BAIAP3: variants seen among roughly 807,000 people sequenced by gnomAD.
BAIAP3 encodes the protein BAI1-associated protein 3.
A neutral mutation model predicts 149.7 loss-of-function variants in BAIAP3; 180 were observed. That is an observed-to-expected ratio of 1.20 (90% CI 1.07 to 1.36). The LOEUF (loss-of-function observed/expected upper bound fraction) is 1.36. Among genes scored for constraint, BAIAP3 ranks in the 40% most tolerant of loss-of-function variants. The probability of loss-of-function intolerance (pLI) is 0.00; values close to 1 mark genes in which losing one functional copy is unlikely to be tolerated. For synonymous variants in BAIAP3, 845 were observed against 670.7 expected (o/e 1.26, Z -4.02); for missense variants, 1,767 against 1,563.4 (o/e 1.13, Z -2.20).
At chr16:1,341,789 G>C in intron 8 of BAIAP3, 33 bp from the exon 9 acceptor site, 3 of 1,605,642 alleles carry the variant, frequency 1.9e-6, no homozygotes, top group Non-Finnish European at 2.5e-6. Flanking sequence ...GCCTCGCCGG[G>C]GACCCTCATG....
At chr16:1,343,910 A>G (rs776424702) in intron 15 of BAIAP3, 112 bp from the exon 16 acceptor site, 134 of 1,519,538 alleles carry the variant, frequency 8.8e-5, no homozygotes, top group Non-Finnish European at 1.2e-4. Flanking sequence ...CTCAGAGCAG[A>G]GCTGGGCTGA....
chr16:1,339,287 C>G (rs573457843), intron 4 of BAIAP3, 43 bp downstream of exon 4: 1 of 1,544,686 alleles, frequency 6.5e-7, no homozygotes, highest in Non-Finnish European at 8.7e-7. Flanking sequence ...TCTGCAGCGG[C>G]TGCTCCCTCA....
intron 1 of BAIAP3, chr16:1,336,536 C>T (rs1035177675): frequency 1.3e-5 from 4 of 308,948 alleles, no homozygotes; most frequent in East Asian, 1.7e-4. Context: ...GGAATCAAGA[C>T]GAGATATCCG....
Position 1,349,163 on chromosome 16 carries a change from C to T in BAIAP3, c.*681C>T, listed in dbSNP as rs1339618230. 3.2e-5 allele frequency: 16 copies of T among 501,112 alleles called. 1 individual carries two copies. The highest frequency in any genetic ancestry group is 1.4e-4 in the South Asian group (7 of 48,616). 31.0% of individuals were successfully genotyped at this position (501,112 alleles called of 1,614,324 possible). A position where few individuals can be genotyped will look rare whatever the true frequency, so the allele number is the denominator to read the frequency against. On this transcript the variant is annotated 3_prime_UTR_variant, in exon 34 of 34. Transcript: ENST00000426824. ...CCGTGGCCACCTGAGACCTGCTCCA[C>T]GACCCTTCCAGGCAGAGCCGAGAGT... is the stretch of plus-strand genomic sequence containing the variant.
At chr16:1,343,177 G>A (rs761054) in intron 14 of BAIAP3, 161 bp downstream of exon 14, 948,170 of 1,082,072 alleles carry the variant, frequency 0.88, 416,691 homozygotes, top group East Asian at 1. Context: ...GGGAAGGGAA[G>A]GGGGCGGTGC....
intron 28 of BAIAP3, 132 bp from the exon 29 acceptor site, chr16:1,347,166 G>T (rs1262525110): frequency 9.8e-7 from 1 of 1,019,734 alleles, no homozygotes; most frequent in Non-Finnish European, 1.4e-6. Flanking sequence ...TGCCCGCCAG[G>T]GTGTGAGAAA....
intron 28 of BAIAP3, 30 bp from the exon 29 acceptor site, chr16:1,347,268 T>C (rs1336265695): frequency 1.2e-6 from 2 of 1,607,560 alleles, no homozygotes; most frequent in Admixed American, 1.7e-5. Context: ...CCAGGCTCCC[T>C]GACACCTCTG....
rs2034012360 is a variant in BAIAP3 at position 1,342,763 on chromosome 16, C to T, written c.1110C>T (p.Ser370=). 7.4e-6 allele frequency: 12 copies of T among 1,612,470 alleles called. No individual in the cohort carries two copies. The highest frequency in any genetic ancestry group is 4.0e-5 in the African/African-American group (3 of 74,932). The change falls in exon 13 of 34, where the codon TCC becomes TCT. Residue 370 remains serine (S), a synonymous_variant. Transcript: ENST00000426824. The part of the protein sequence containing the change: ...MSQRGRSGFL[S]HLLLLSHLLR... ...AGCGCGGGCGATCCGGCTTCCTGTC[C>T]CACCTGCTGCTGCTCAGCCATCTGC...
chr16:1,341,755 C>A, intron 8 of BAIAP3, 67 bp from the exon 9 acceptor site: 1 of 1,532,730 alleles, frequency 6.5e-7, no homozygotes, highest in Non-Finnish European at 8.8e-7. Flanking sequence ...TGCTTCTGGA[C>A]TCCCTGACCC....
rs958594520 is a variant in BAIAP3 at position 1,348,031 on chromosome 16, G to C, written c.3149+14G>C. 6.2e-7 allele frequency: 1 copy of C among 1,601,124 alleles called. No homozygotes were observed. Among genetic ancestry groups the C allele is most frequent in the East Asian group, 2.2e-5 (1 of 44,600 alleles). ...ACTCTTCTACTTGTGAGTGTCCTAA[G>C]CCCCAGCCCCAGCCCCAGGCTCCAG... On this transcript the variant is annotated intron_variant, in intron 32 of 33. Transcript: ENST00000426824.
Position 1,347,962 on chromosome 16 carries a change from AG to A in BAIAP3, c.3096del (p.Thr1033ProfsTer3). On this transcript the variant is annotated frameshift_variant, in exon 32 of 34. Coordinates refer to ENST00000426824, the MANE Select transcript of BAIAP3 (RefSeq NM_001199097.2). LOFTEE classifies it high-confidence loss of function. ...PHLFPLVRSQ[R>X]TQVKTRTLHP... ...TCTCTTTCCACTGGTCCGCAGCCAG[AG>A]GACCCAGGTGAAGACCCGGACGCTG... is the stretch of plus-strand genomic sequence containing the variant. 6.2e-7 allele frequency: 1 copy of A among 1,611,922 alleles called. No individual in the cohort carries two copies. The highest frequency in any genetic ancestry group is 8.5e-7 in the Non-Finnish European group (1 of 1,179,938).
intron 28 of BAIAP3, 71 bp from the exon 29 acceptor site, chr16:1,347,227 G>T: frequency 6.8e-7 from 1 of 1,481,108 alleles, no homozygotes; most frequent in Non-Finnish European, 9.3e-7. Context: ...GCCCCTTTGT[G>T]CTGGGGGTCT....
chr16:1,348,643 G>A lies in BAIAP3; in HGVS notation c.*161G>A, dbSNP rs1054187000. The A allele has an allele frequency of 9.2e-5, 65 of 706,510 alleles. No homozygotes were observed. Among genetic ancestry groups the A allele is most frequent in the South Asian group, 5.3e-5 (3 of 56,288 alleles). 43.8% of individuals were successfully genotyped at this position (706,510 alleles called of 1,614,324 possible). A position where few individuals can be genotyped will look rare whatever the true frequency, so the allele number is the denominator to read the frequency against. On this transcript the variant is annotated 3_prime_UTR_variant, in exon 34 of 34. Coordinates refer to ENST00000426824, the MANE Select transcript of BAIAP3 (RefSeq NM_001199097.2). ...CCCCGCGGCGCCTACCGCCCTGGCC[G>A]TGTCTGTCTGGTGTGTGCTGTGAAC...
In BAIAP3 at chr16:1,348,866, G is replaced by A. The variant is rs1299594165; in HGVS notation, c.*384G>A. ...TGAGTGGCTGTGCTCTCTGCACAACGGGCAATGTGCAGACGCATTTTTGGT... is the reference window on the plus strand; with the variant it reads ...TGAGTGGCTGTGCTCTCTGCACAACAGGCAATGTGCAGACGCATTTTTGGT... On this transcript the variant is annotated 3_prime_UTR_variant, in exon 34 of 34. Transcript: ENST00000426824. The A allele has an allele frequency of 6.4e-5, 22 of 341,942 alleles. No homozygotes were observed. The allele number at this position is 341,942 out of a possible 1,614,324, so 21.2% of individuals were successfully genotyped here. A position where few individuals can be genotyped will look rare whatever the true frequency, so the allele number is the denominator to read the frequency against.
At chr16:1,341,228 C>G (rs752977035) in intron 7 of BAIAP3, 33 bp downstream of exon 7, 2 of 1,607,248 alleles carry the variant, frequency 1.2e-6, no homozygotes, top group Non-Finnish European at 1.7e-6. Flanking sequence ...TCGGCTGCGC[C>G]GAGGCCTGGC....
At chr16:1,336,462 C>T in intron 1 of BAIAP3, 2 of 920,462 alleles carry the variant, frequency 2.2e-6, no homozygotes, top group Non-Finnish European at 1.3e-6. Flanking sequence ...CCTTCCTGTC[C>T]TCAGCTCTAG....
chr16:1,333,675 G>C lies in BAIAP3; in HGVS notation c.-85G>C, dbSNP rs1331969152. On this transcript the variant is annotated 5_prime_UTR_variant, in exon 1 of 34. Transcript: ENST00000426824. ...TCGGCGCGCGCGGCTGGGAGCGGTAGCTGTGCCTCGGCGTCCCCGAGCTGG... is the reference window on the plus strand; with the variant it reads ...TCGGCGCGCGCGGCTGGGAGCGGTACCTGTGCCTCGGCGTCCCCGAGCTGG... 1 of 151,786 alleles carries C rather than the reference G, an allele frequency of 6.6e-6. No homozygotes were observed. The allele number at this position is 151,786 out of a possible 1,614,324, so 9.4% of individuals were successfully genotyped here.
intron 2 of BAIAP3, 36 bp downstream of exon 2, chr16:1,338,716 G>A: frequency 6.4e-7 from 1 of 1,561,968 alleles, no homozygotes; most frequent in Non-Finnish European, 8.7e-7. Flanking sequence ...CACGCCCACA[G>A]GGCCATTTCC....
At chr16:1,348,340 T>G in intron 33 of BAIAP3, 39 bp downstream of exon 33, 1 of 1,606,638 alleles carries the variant, frequency 6.2e-7, no homozygotes, top group African/African-American at 1.3e-5. Context: ...GCAGCGGGCC[T>G]GACCCCGGCC....
Sources: gnomAD v4.1 joint callset for allele counts on GRCh38, gnomAD v4.1.1 for gene constraint, MANE v1.5 for transcripts, NCBI Gene and HGNC (gene_info 2026-07-23, HGNC 2026-07-21) for gene names.